Variants in ADAMTSL1 observed in about 807,000 individuals in gnomAD.
ADAMTSL1 encodes ADAMTS-like protein 1.
In ADAMTSL1, 126 loss-of-function variants were observed where a neutral mutation model predicts 201.8. The observed-to-expected ratio is 0.62, with a 90% confidence interval of 0.54 to 0.72. ADAMTSL1 has a LOEUF of 0.72. Among genes scored for constraint, ADAMTSL1 ranks in the 30% least tolerant of loss-of-function variants. The pLI is 0.00. For missense variants in ADAMTSL1, 2,679 were observed against 2,277.8 expected (o/e 1.18, Z -3.59); for synonymous variants, 1,121 against 903.4 (o/e 1.24, Z -4.32).
At chr9:18,318,223 G>C (rs1834482480) in intron 2 of ADAMTSL1, among the ~76,000 whole-genome samples, 1 of 152,190 alleles carries the variant, frequency 6.6e-6, no homozygotes, top group African/African-American at 2.4e-5. Flanking sequence ...TTATCATTAT[G>C]AGAGAGGTCA....
intron 2 of ADAMTSL1, among the ~76,000 whole-genome samples, chr9:18,435,903 C>T (rs1204034135): frequency 1.3e-5 from 2 of 152,136 alleles, no homozygotes; most frequent in Non-Finnish European, 2.9e-5. Context: ...CACGGGGTTC[C>T]TCCCACCACA....
intron 4 of ADAMTSL1, among the ~76,000 whole-genome samples, chr9:18,583,549 C>G (rs1400885300): frequency 7.0e-6 from 1 of 143,724 alleles, no homozygotes; most frequent in Admixed American, 7.4e-5. Context: ...CCTACTGGAA[C>G]ACCACCTAGG....
chr9:18,558,926 G>T (rs965525509), intron 3 of ADAMTSL1, among the ~76,000 whole-genome samples: 2 of 152,116 alleles, frequency 1.3e-5, no homozygotes, highest in African/African-American at 4.8e-5. Context: ...CAGATGAATA[G>T]ATTGCAAAAA....
intron 15 of ADAMTSL1, among the ~76,000 whole-genome samples, chr9:18,736,921 C>T (rs1338098569): frequency 6.6e-6 from 1 of 152,114 alleles, no homozygotes; most frequent in African/African-American, 2.4e-5. Flanking sequence ...CCCCAAAACC[C>T]TCCTCTGTAA....
At chr9:18,345,114 C>A (rs1374077991) in intron 2 of ADAMTSL1, among the ~76,000 whole-genome samples, 1 of 152,130 alleles carries the variant, frequency 6.6e-6, no homozygotes, top group Non-Finnish European at 1.5e-5. Flanking sequence ...CACTTTCACT[C>A]TGACTTCCAG....
At chr9:18,803,183 A>G (rs893209433) in intron 20 of ADAMTSL1, among the ~76,000 whole-genome samples, 2 of 152,238 alleles carry the variant, frequency 1.3e-5, no homozygotes, top group Non-Finnish European at 2.9e-5. Flanking sequence ...TCCCTTTCCG[A>G]AGGCTCTAAA....
At chr9:18,192,313 G>T (rs1261577936) in intron 2 of ADAMTSL1, among the ~76,000 whole-genome samples, 2 of 152,078 alleles carry the variant, frequency 1.3e-5, no homozygotes, top group Non-Finnish European at 2.9e-5. Flanking sequence ...TCTAAATTAA[G>T]TTGCTCTCTG....
chr9:18,360,085 G>A (rs1340559524), intron 2 of ADAMTSL1, among the ~76,000 whole-genome samples: 1 of 152,066 alleles, frequency 6.6e-6, no homozygotes, highest in Non-Finnish European at 1.5e-5. Context: ...GTTGCTCACA[G>A]TGAGGGGAAG....
rs1406853595 is a variant in ADAMTSL1, at chr9:18,892,609, A to G, written c.4851+13A>G. The G allele has an allele frequency of 5.2e-6, 8 of 1,551,496 alleles. No homozygotes were observed. Among genetic ancestry groups the G allele is most frequent in the Admixed American group, 2.0e-5 (1 of 51,106 alleles). ...CAGCTGGGGCCAGGTGAGGAGCCAG[A>G]GAGGTTGTTATTTGAAAGCTAAATC... On this transcript the variant is annotated intron_variant, in intron 26 of 28. Transcript: ENST00000380548.
chr9:18,190,720 A>T (rs1305797646), intron 2 of ADAMTSL1, among the ~76,000 whole-genome samples: 1 of 152,186 alleles, frequency 6.6e-6, no homozygotes, highest in Admixed American at 6.5e-5. Context: ...ATTAATTTTT[A>T]AGTATTAAGC....
At chr9:18,670,059 A>AAAT (rs1380033490) in intron 9 of ADAMTSL1, among the ~76,000 whole-genome samples, 2 of 152,142 alleles carry the variant, frequency 1.3e-5, no homozygotes, top group Non-Finnish European at 2.9e-5. Context: ...TGTTGCTTAG[A>AAAT]AATAGGCTGG....
intron 1 of ADAMTSL1, among the ~76,000 whole-genome samples, chr9:18,094,196 T>G (rs1255777770): frequency 1.3e-5 from 2 of 152,182 alleles, no homozygotes; most frequent in Middle Eastern, 3.2e-3. Context: ...ATGTGTTCTT[T>G]CAAACCGTTT....
chr9:18,782,894 G>T (rs1821480678), intron 19 of ADAMTSL1, among the ~76,000 whole-genome samples: 1 of 152,190 alleles, frequency 6.6e-6, no homozygotes, highest in African/African-American at 2.4e-5. Flanking sequence ...CTGTAGTAAG[G>T]GAGGCAAAAG....
intron 1 of ADAMTSL1, among the ~76,000 whole-genome samples, chr9:18,126,247 C>A (rs1318045104): frequency 6.6e-6 from 1 of 152,204 alleles, no homozygotes; most frequent in Non-Finnish European, 1.5e-5. Flanking sequence ...TGAATCATAA[C>A]ACCGTGAACA....
At chr9:18,768,444 C>G (rs928626964) in intron 16 of ADAMTSL1, among the ~76,000 whole-genome samples, 2 of 141,396 alleles carry the variant, frequency 1.4e-5, no homozygotes, top group Admixed American at 7.4e-5. Flanking sequence ...GTTTACCTCT[C>G]TGAGCCTCAG....
At chr9:18,837,636 G>T (rs1446576608) in intron 23 of ADAMTSL1, among the ~76,000 whole-genome samples, 2 of 152,136 alleles carry the variant, frequency 1.3e-5, no homozygotes, top group Non-Finnish European at 1.5e-5. Flanking sequence ...TACTCAAGGG[G>T]ATCCTCTGCA....
At chr9:18,177,613 G>C (rs879212032) in intron 2 of ADAMTSL1, among the ~76,000 whole-genome samples, 1 of 152,158 alleles carries the variant, frequency 6.6e-6, no homozygotes, top group East Asian at 1.9e-4. Context: ...AAGGATACTT[G>C]GTGATCCAAA....
chr9:18,516,069 C>T (rs1304604468), intron 2 of ADAMTSL1, among the ~76,000 whole-genome samples: 7 of 144,612 alleles, frequency 4.8e-5, no homozygotes, highest in Middle Eastern at 7.2e-3. Flanking sequence ...CCTCCAGCTC[C>T]TCCCTCACCT....
chr9:18,774,886 T>C (rs1314827084), intron 17 of ADAMTSL1, among the ~76,000 whole-genome samples: 2 of 152,204 alleles, frequency 1.3e-5, no homozygotes, highest in African/African-American at 4.8e-5. Context: ...TTTGTCTCTC[T>C]TGGGTAGATA....
Sources: gnomAD v4.1 joint callset for allele counts (sites outside exome capture counted in the v4.1 genomes callset) on GRCh38, gnomAD v4.1.1 for gene constraint, MANE v1.5 for transcripts, NCBI Gene and HGNC (gene_info 2026-07-23, HGNC 2026-07-21) for gene names.